PDYN: variants seen among roughly 807,000 people sequenced by gnomAD.
The protein encoded by PDYN is prodynorphin, also known as proenkephalin-B.
PDYN carries 5 observed loss-of-function variants against 11.4 expected under a neutral mutation model. The observed-to-expected ratio is 0.44, with a 90% CI of 0.23 to 0.92. PDYN has a LOEUF of 0.92. PDYN is among the 40% of genes least tolerant of loss of function. PDYN has a pLI of 0.24. For synonymous variants in PDYN, 132 were observed against 129.5 expected, an observed-to-expected ratio of 1.02 and a Z score of -0.13; for missense variants, 337 against 317.3, an observed-to-expected ratio of 1.06 and a Z score of -0.47.
chr20:1,982,824 C>A, intron 3 of PDYN, 132 bp downstream of exon 3: 1 of 946,502 alleles, frequency 1.1e-6, no homozygotes, highest in Middle Eastern at 2.6e-4. Context: ...GGGCAGGACA[C>A]CCACCACCCT....
rs1987539770 is a variant in PDYN, at chr20:1,978,877, A to G, written c.*1446T>C. ...GGATTTTTTTAAAGGACACAAAATA[A>G]CTCTAAAACAATCTATCCATTTCAG... On this transcript the variant is annotated 3_prime_UTR_variant, in exon 4 of 4. Transcript: ENST00000217305. The G allele has an allele frequency of 6.6e-6, 1 of 152,036 alleles. No individual in the cohort carries two copies. The highest frequency in any genetic ancestry group is 1.5e-5 in the Non-Finnish European group (1 of 68,006). 9.4% of individuals were successfully genotyped at this position (152,036 alleles called of 1,614,324 possible).
In PDYN at chr20:1,980,318, G is replaced by A; in HGVS notation, c.*5C>T. On this transcript the variant is annotated 3_prime_UTR_variant, in exon 4 of 4. Transcript: ENST00000217305. Reference sequence around the variant, plus strand: ...CTCCTGACTCTACTCCATGAAAAGAGGTGCTTATGCATCAAAAAGCTCTCC... The same window carrying A: ...CTCCTGACTCTACTCCATGAAAAGAAGTGCTTATGCATCAAAAAGCTCTCC... 2.5e-6 allele frequency: 4 copies of A among 1,614,040 alleles called. No individual in the cohort carries two copies. Among genetic ancestry groups the A allele is most frequent in the South Asian group, 2.2e-5 (2 of 91,066 alleles).
In PDYN at chr20:1,980,056, G is replaced by A. The variant is rs1600502166; in HGVS notation, c.*267C>T. On this transcript the variant is annotated 3_prime_UTR_variant, in exon 4 of 4. Coordinates refer to ENST00000217305, the MANE Select transcript of PDYN (RefSeq NM_024411.5). ...ATCACAAACTGCTGCTGCTGCTGCT[G>A]CTGCCGCTGCTGATAGTTTTAGAGT... 5 of 522,588 alleles carry A rather than the reference G, an allele frequency of 9.6e-6. No individual in the cohort carries two copies. The highest frequency in any genetic ancestry group is 6.4e-5 in the Admixed American group (2 of 31,444). The allele number at this position is 522,588 out of a possible 1,614,324, so 32.4% of individuals were successfully genotyped here.
intron 2 of PDYN, among the ~76,000 whole-genome samples, chr20:1,985,824 G>A (rs1988149812): frequency 6.6e-6 from 1 of 152,140 alleles, no homozygotes; most frequent in Non-Finnish European, 1.5e-5. Flanking sequence ...CCCCACCAGT[G>A]AGCCATACAA....
Position 1,980,857 on chromosome 20 carries a change from A to C in PDYN, c.231T>G (p.Asn77Lys). 1 of 1,614,100 alleles carries C rather than the reference A, an allele frequency of 6.2e-7. No individual in the cohort carries two copies. The highest frequency in any genetic ancestry group is 8.5e-7 in the Non-Finnish European group (1 of 1,180,000). ...SFFTPSTLGL[N>K]DKEDLGSKSV... ...ACTTGCTCCCCAAGTCCTCCTTGTC[A>C]TTGAGCCCAAGGGTGGAGGGGGTGA... The change falls in exon 4 of 4, where the codon AAT (asparagine) becomes AAG (lysine). Residue 77 changes from asparagine (N) to lysine (K), a missense_variant. Asn to Lys is a moderately conservative substitution (Grantham distance 94, BLOSUM62 0). Coordinates refer to ENST00000217305, the MANE Select transcript of PDYN (RefSeq NM_024411.5).
At chr20:1,989,998 C>T (rs1213938054) in intron 2 of PDYN, among the ~76,000 whole-genome samples, 4 of 152,196 alleles carry the variant, frequency 2.6e-5, no homozygotes, top group Admixed American at 6.5e-5. Flanking sequence ...TGACAAAGTG[C>T]CTCTCCGTGG....
intron 2 of PDYN, among the ~76,000 whole-genome samples, chr20:1,984,164 GA>G (rs1349778332): frequency 2.6e-5 from 4 of 152,154 alleles, no homozygotes; most frequent in Non-Finnish European, 5.9e-5. Context: ...CTTTTTCTCT[GA>G]AATAGTCACT....
At chr20:1,981,456 G>A (rs571185945) in intron 3 of PDYN, among the ~76,000 whole-genome samples, 1 of 152,226 alleles carries the variant, frequency 6.6e-6, no homozygotes, top group South Asian at 2.1e-4. Flanking sequence ...TCACTTCATA[G>A]GGCCATTGGG....
chr20:1,993,493 A>G (rs1430369318), intron 1 of PDYN, among the ~76,000 whole-genome samples: 1 of 152,196 alleles, frequency 6.6e-6, no homozygotes, highest in African/African-American at 2.4e-5. Context: ...TCCTCAAGCC[A>G]TTGTTCTCTA....
intron 2 of PDYN, among the ~76,000 whole-genome samples, chr20:1,984,096 T>G (rs1250361902): frequency 6.6e-6 from 1 of 152,192 alleles, no homozygotes; most frequent in Non-Finnish European, 1.5e-5. Flanking sequence ...TCCATGAAAA[T>G]AGTCTACTAT....
intron 2 of PDYN, among the ~76,000 whole-genome samples, chr20:1,986,596 T>C (rs1355373793): frequency 6.6e-6 from 1 of 152,218 alleles, no homozygotes; most frequent in Admixed American, 6.5e-5. Context: ...CAGAACTCTG[T>C]GTGTCTTATT....
Position 1,980,605 on chromosome 20 carries a change from GAGTGTGCC to G in PDYN, c.475_482del (p.Gly159LeufsTer4), listed in dbSNP as rs1987695339. On this transcript the variant is annotated frameshift_variant, in exon 4 of 4. Transcript: ENST00000217305. LOFTEE classifies it high-confidence loss of function. Reference sequence around the variant, plus strand: ...CCTTGGGGTCCTCCTCAGCGAGATAGAGTGTGCCAGTCTCCATGGCACCATCGTTCAGC... The same window carrying G: ...CCTTGGGGTCCTCCTCAGCGAGATAGAGTCTCCATGGCACCATCGTTCAGC... 1 of 1,614,158 alleles carries G rather than the reference GAGTGTGCC, an allele frequency of 6.2e-7. No individual in the cohort carries two copies. Among genetic ancestry groups the G allele is most frequent in the Admixed American group, 1.7e-5 (1 of 60,016 alleles).
intron 2 of PDYN, among the ~76,000 whole-genome samples, chr20:1,992,030 T>G (rs1665950990): frequency 6.6e-6 from 1 of 152,202 alleles, no homozygotes; most frequent in African/African-American, 2.4e-5. Flanking sequence ...CCTCACCACT[T>G]CGGAACAGTG....
At chr20:1,981,882 T>C (rs1195739702) in intron 3 of PDYN, among the ~76,000 whole-genome samples, 1 of 151,338 alleles carries the variant, frequency 6.6e-6, no homozygotes, top group African/African-American at 2.4e-5. Context: ...GCTGTGATAG[T>C]GCCACTGCAC....
intron 1 of PDYN, among the ~76,000 whole-genome samples, chr20:1,993,274 C>T (rs531983823): frequency 4.1e-4 from 62 of 152,252 alleles, no homozygotes; most frequent in Admixed American, 3.8e-3. Flanking sequence ...GCCTGGGCCT[C>T]CTGGCTTGTT....
At position 1,983,012 on chromosome 20, in the gene PDYN, G is replaced by A. The variant is rs1028619685; in HGVS notation, c.73C>T (p.Arg25Trp). ...GTCTTTACAGCACACAAGGAGCACC[G>A]CGACAGGCAGTCCGCTGTGGTGGAG... ...FPSTTADCLS[R>W]CSLCAVKTQD... The change falls in exon 3 of 4, where the codon CGG becomes TGG. Residue 25 changes from arginine (R) to tryptophan (W), a missense_variant. Transcript: ENST00000217305. The A allele has an allele frequency of 1.1e-5, 17 of 1,613,920 alleles. No individual in the cohort carries two copies. The highest frequency in any genetic ancestry group is 5.0e-5 in the Admixed American group (3 of 60,002).
At position 1,980,811 on chromosome 20, in the gene PDYN, T is replaced by G; in HGVS notation, c.277A>C (p.Ser93Arg). 6.2e-7 allele frequency: 1 copy of G among 1,614,198 alleles called. No individual in the cohort carries two copies. Among genetic ancestry groups the G allele is most frequent in the East Asian group, 2.2e-5 (1 of 44,876 alleles). The change falls in exon 4 of 4, where the codon AGT becomes CGT. Residue 93 changes from serine to arginine, a missense_variant. By Grantham distance (110) the Ser-to-Arg change is moderately radical (BLOSUM62 -1). Coordinates refer to ENST00000217305, the MANE Select transcript of PDYN (RefSeq NM_024411.5). ...GSKSVGEGPY[S>R]ELAKLSGSFL... The stretch of plus-strand genomic sequence containing the variant: ...GACCCAGAGAGCTTGGCCAGCTCAC[T>G]GTAGGGCCCTTCCCCAACCGACTTG...
chr20:1,989,658 ATC>A (rs1988347168), intron 2 of PDYN, among the ~76,000 whole-genome samples: 1 of 152,232 alleles, frequency 6.6e-6, no homozygotes, highest in Non-Finnish European at 1.5e-5. Flanking sequence ...CATTGCAATT[ATC>A]TCTCTGAGCA....
At chr20:1,988,549 T>C (rs1988294859) in intron 2 of PDYN, among the ~76,000 whole-genome samples, 1 of 152,098 alleles carries the variant, frequency 6.6e-6, no homozygotes, top group African/African-American at 2.4e-5. Flanking sequence ...ACTTTGCCGA[T>C]CATCGGGATG....
Sources: gnomAD v4.1 joint callset for allele counts (sites outside exome capture counted in the v4.1 genomes callset) on GRCh38, gnomAD v4.1.1 for gene constraint, MANE v1.5 for transcripts, NCBI Gene and HGNC (gene_info 2026-07-23, HGNC 2026-07-21) for gene names.